The following TBXA2R variants were observed in gnomAD, a reference collection of about 807,000 sequenced individuals.
The protein encoded by TBXA2R is thromboxane A2 receptor, also known as prostanoid TP receptor.
A neutral mutation model predicts 15.6 loss-of-function variants in TBXA2R; 15 were observed. The ratio of observed to expected loss-of-function variants is 0.96; its 90% CI spans 0.64 to 1.48. The LOEUF is 1.48. TBXA2R is among the 40% of genes most tolerant of loss of function. The pLI is 0.00. For synonymous variants in TBXA2R, 280 were observed against 241.2 expected, an observed-to-expected ratio of 1.16 and a Z score of -1.49; for missense variants, 506 against 491.4, an observed-to-expected ratio of 1.03 and a Z score of -0.28.
chr19:3,595,072 T>G lies in TBXA2R; in HGVS notation c.*616A>C. 2 of 664,004 alleles carry G rather than the reference T, an allele frequency of 3.0e-6. No individual in the cohort carries two copies. Among genetic ancestry groups the G allele is most frequent in the Non-Finnish European group, 4.7e-6 (2 of 422,476 alleles). 41.1% of individuals were successfully genotyped at this position (664,004 alleles called of 1,614,324 possible). ...TCCAGGCTGGGCCACAGAGTGAGACTCCGTCTAAAAAAAAAAAAAAAAATG... is the reference window on the plus strand; with the variant it reads ...TCCAGGCTGGGCCACAGAGTGAGACGCCGTCTAAAAAAAAAAAAAAAAATG... On this transcript the variant is annotated 3_prime_UTR_variant, in exon 3 of 3. Transcript: ENST00000375190.
intron 1 of TBXA2R, among the ~76,000 whole-genome samples, chr19:3,601,392 G>A (rs1284888795): frequency 6.6e-6 from 1 of 151,648 alleles, no homozygotes; most frequent in Non-Finnish European, 1.5e-5. Flanking sequence ...GGGTGTAGTG[G>A]TATGCACCTG....
Position 3,600,190 on chromosome 19 carries a change from C to G in TBXA2R, c.445G>C (p.Ala149Pro). 1 of 1,595,544 alleles carries G rather than the reference C, an allele frequency of 6.3e-7. No homozygotes were observed. The highest frequency in any genetic ancestry group is 2.3e-5 in the East Asian group (1 of 44,030). Residue 149 changes from alanine to proline, a missense_variant, in exon 2 of 3, where the codon GCC becomes CCC. Physicochemically the swap from Ala to Pro is conservative, Grantham distance 27 (BLOSUM62 -1). Coordinates refer to ENST00000375190, the MANE Select transcript of TBXA2R (RefSeq NM_001060.6). ...SRPAVASQRRAWATVGLVWAA... is the reference protein window; with the variant it reads ...SRPAVASQRRPWATVGLVWAA... Reference sequence around the variant, plus strand: ...CACACCAGCCCCACGGTGGCCCAGGCGCGGCGCTGCGAGGCGACCGCCGGG... The same window carrying G: ...CACACCAGCCCCACGGTGGCCCAGGGGCGGCGCTGCGAGGCGACCGCCGGG...
In TBXA2R at chr19:3,600,591, G is replaced by T. The variant is rs2032717332; in HGVS notation, c.44C>A (p.Thr15Lys). The part of the protein sequence containing the change: ...GSSLGPCFRP[T>K]NITLEERRLI... ...CCGTCTCTCCTCCAGGGTAATGTTT[G>T]TGGGCCGGAAACAGGGCCCCAGGGA... is the stretch of plus-strand genomic sequence containing the variant. The change falls in exon 2 of 3, where the codon ACA (threonine) becomes AAA (lysine). Residue 15 changes from threonine (T) to lysine (K), a missense_variant. Transcript: ENST00000375190. The T allele has an allele frequency of 6.2e-7, 1 of 1,612,486 alleles. No homozygotes were observed. The highest frequency in any genetic ancestry group is 8.5e-7 in the Non-Finnish European group (1 of 1,179,642).
rs966940795 is a variant in TBXA2R at position 3,595,285 on chromosome 19, A to G, written c.*403T>C. 2 of 1,114,522 alleles carry G rather than the reference A, an allele frequency of 1.8e-6. No individual in the cohort carries two copies. The highest frequency in any genetic ancestry group is 2.4e-6 in the Non-Finnish European group (2 of 849,176). The allele number at this position is 1,114,522 out of a possible 1,614,324, so 69.0% of individuals were successfully genotyped here. A position where few individuals can be genotyped will look rare whatever the true frequency, so the allele number is the denominator to read the frequency against. On this transcript the variant is annotated 3_prime_UTR_variant, in exon 3 of 3. Coordinates refer to ENST00000375190, the MANE Select transcript of TBXA2R (RefSeq NM_001060.6). ...TCCCAGCTACTCAGGAGGCTGAGGC[A>G]GGAGAATCGCTTGAACCCGGGAGGT...
intron 2 of TBXA2R, among the ~76,000 whole-genome samples, chr19:3,597,292 C>G (rs1359489048): frequency 6.6e-6 from 1 of 150,768 alleles, no homozygotes; most frequent in Non-Finnish European, 1.5e-5. Context: ...ATGTTATCTA[C>G]AAATTAGTAT....
In TBXA2R at chr19:3,595,370, C is replaced by A. The variant is rs1336037915; in HGVS notation, c.*318G>T. The A allele has an allele frequency of 7.3e-6, 10 of 1,378,618 alleles. No individual in the cohort carries two copies. In the African/African-American group the frequency reaches 1.2e-4, roughly 16 times the overall value. 85.4% of individuals were successfully genotyped at this position (1,378,618 alleles called of 1,614,324 possible). A position where few individuals can be genotyped will look rare whatever the true frequency, so the allele number is the denominator to read the frequency against. ...CTCCAGCCTGGGGGACAGAGCAAGACTCCGTCTAAAAAAAAAAATAGCAAT... is the reference window on the plus strand; with the variant it reads ...CTCCAGCCTGGGGGACAGAGCAAGAATCCGTCTAAAAAAAAAAATAGCAAT... On this transcript the variant is annotated 3_prime_UTR_variant, in exon 3 of 3. Coordinates refer to ENST00000375190, the MANE Select transcript of TBXA2R (RefSeq NM_001060.6).
In TBXA2R at chr19:3,596,067, C is replaced by T. The variant is rs187966483; in HGVS notation, c.787-134G>A. 1.4e-3 allele frequency: 1,698 copies of T among 1,194,890 alleles called. 18 individuals are homozygous for T. In the African/African-American group the frequency reaches 0.021, roughly 15 times the overall value. 74.0% of individuals were successfully genotyped at this position (1,194,890 alleles called of 1,614,324 possible). The stretch of plus-strand genomic sequence containing the variant: ...TTTTTGAGACAGGGTCTCACTCTGT[C>T]GTCCAGGCTGGAGTGCAGTGGTGCG... On this transcript the variant is annotated intron_variant, in intron 2 of 2. Coordinates refer to ENST00000375190, the MANE Select transcript of TBXA2R (RefSeq NM_001060.6).
At chr19:3,596,078 G>C in intron 2 of TBXA2R, 145 bp from the exon 3 acceptor site, 3 of 1,062,116 alleles carry the variant, frequency 2.8e-6, no homozygotes, top group Non-Finnish European at 4.1e-6. Flanking sequence ...GTCCAGGCTG[G>C]AGTGCAGTGG....
rs199738245 is a variant in TBXA2R, at chr19:3,600,356, G to C, written c.279C>G (p.Phe93Leu). Reference protein sequence around the residue: ...TIVVSQHAALFEWHAVDPGCR... With the variant: ...TIVVSQHAALLEWHAVDPGCR... ...AGCCAGGGTCCACGGCGTGCCACTC[G>C]AAGAGCGCGGCGTGCTGGGACACCA... Residue 93 changes from phenylalanine (F) to leucine (L), a missense_variant, in exon 2 of 3, where the codon TTC (phenylalanine) becomes TTG (leucine). Phe to Leu is a conservative substitution (Grantham distance 22). Coordinates refer to ENST00000375190, the MANE Select transcript of TBXA2R (RefSeq NM_001060.6). 10 of 1,613,220 alleles carry C rather than the reference G, an allele frequency of 6.2e-6. No individual in the cohort carries two copies. The highest frequency in any genetic ancestry group is 1.7e-5 in the Admixed American group (1 of 59,998).
chr19:3,600,517 C>G lies in TBXA2R; in HGVS notation c.118G>C (p.Ala40Pro). The change falls in exon 2 of 3, where the codon GCC (alanine) becomes CCC (proline). Residue 40 changes from alanine (A) to proline (P), a missense_variant. Transcript: ENST00000375190. ...ACGCTCAGGGCCAGCAGGTTGGAGG[C>G]CAGGCCCACCACGCAGAAGGAGGCG... ...FAASFCVVGLASNLLALSVLA... is the reference protein window; with the variant it reads ...FAASFCVVGLPSNLLALSVLA... 2 of 1,612,454 alleles carry G rather than the reference C, an allele frequency of 1.2e-6. No individual in the cohort carries two copies. Among genetic ancestry groups the G allele is most frequent in the Non-Finnish European group, 1.7e-6 (2 of 1,179,370 alleles).
At chr19:3,597,087 GCAC>G (rs1654439406) in intron 2 of TBXA2R, among the ~76,000 whole-genome samples, 1 of 151,170 alleles carries the variant, frequency 6.6e-6, no homozygotes, top group Admixed American at 6.6e-5. Flanking sequence ...TTACAGGCAT[GCAC>G]CACCACATCT....
Position 3,595,676 on chromosome 19 carries a change from T to G in TBXA2R, c.*12A>C. On this transcript the variant is annotated 3_prime_UTR_variant, in exon 3 of 3. Transcript: ENST00000375190. Reference sequence around the variant, plus strand: ...CCGCGGAAAGGCGCGGGAGGGGCGCTCTGTCCACTTCCTACTGCAGCCCGG... The same window carrying G: ...CCGCGGAAAGGCGCGGGAGGGGCGCGCTGTCCACTTCCTACTGCAGCCCGG... The G allele has an allele frequency of 6.4e-7, 1 of 1,571,596 alleles. No homozygotes were observed. Among genetic ancestry groups the G allele is most frequent in the Non-Finnish European group, 8.6e-7 (1 of 1,158,012 alleles).
In TBXA2R at chr19:3,600,594, G is replaced by C. The variant is rs1264586083; in HGVS notation, c.41C>G (p.Pro14Arg). The C allele has an allele frequency of 6.2e-7, 1 of 1,612,576 alleles. No individual in the cohort carries two copies. The highest frequency in any genetic ancestry group is 1.1e-5 in the South Asian group (1 of 91,076). Residue 14 changes from proline (P) to arginine (R), a missense_variant, in exon 2 of 3, where the codon CCC (proline) becomes CGC (arginine). Transcript: ENST00000375190. ...NGSSLGPCFRPTNITLEERRL... is the reference protein window; with the variant it reads ...NGSSLGPCFRRTNITLEERRL... The stretch of plus-strand genomic sequence containing the variant: ...TCTCTCCTCCAGGGTAATGTTTGTG[G>C]GCCGGAAACAGGGCCCCAGGGAACT...
In TBXA2R at chr19:3,602,777, GAAAAA is replaced by G. The variant is rs747708217; in HGVS notation, c.-83-2065_-83-2061del. 1.6e-3 allele frequency among the ~76,000 whole-genome samples: 228 copies of G among 144,868 alleles called. 2 individuals are homozygous for G. Among genetic ancestry groups the G allele is most frequent in the African/African-American group, 5.0e-3 (198 of 39,468 alleles). On this transcript the variant is annotated intron_variant, in intron 1 of 2. Transcript: ENST00000375190. ...CTCCGTCTCAAAAAAAAAAAAAAAA[GAAAAA>G]GAAAAGAAAAGAGGGAGGCCCAGGT...
chr19:3,599,925 C>G lies in TBXA2R; in HGVS notation c.710G>C (p.Arg237Pro). Residue 237 changes from arginine (R) to proline (P), a missense_variant, in exon 2 of 3, where the codon CGG (arginine) becomes CCG (proline). Physicochemically the swap from Arg to Pro is moderately radical, Grantham distance 103. Transcript: ENST00000375190. Reference sequence around the variant, plus strand: ...AGCCATCATCTCCACCTCGGAGTCCCGGGGACGCTGCTGGGCCGCCTCCTG... The same window carrying G: ...AGCCATCATCTCCACCTCGGAGTCCGGGGGACGCTGCTGGGCCGCCTCCTG... The part of the protein sequence containing the change: ...HGQEAAQQRP[R>P]DSEVEMMAQL... 6.4e-7 allele frequency: 1 copy of G among 1,551,076 alleles called. No homozygotes were observed. Among genetic ancestry groups the G allele is most frequent in the Non-Finnish European group, 8.7e-7 (1 of 1,147,936 alleles).
chr19:3,600,729 G>C lies in TBXA2R; in HGVS notation c.-83-12C>G. The C allele has an allele frequency of 1.4e-6, 2 of 1,412,062 alleles. No homozygotes were observed. The highest frequency in any genetic ancestry group is 2.0e-6 in the Non-Finnish European group (2 of 1,023,614). The allele number at this position is 1,412,062 out of a possible 1,614,324, so 87.5% of individuals were successfully genotyped here. On this transcript the variant is annotated splice_polypyrimidine_tract_variant and intron_variant, in intron 1 of 2. Coordinates refer to ENST00000375190, the MANE Select transcript of TBXA2R (RefSeq NM_001060.6). Reference sequence around the variant, plus strand: ...TGGTTCAGGCACACCTGGGAGGCGAGAGAAGATTTGCTTGTGATTAATTCT... The same window carrying C: ...TGGTTCAGGCACACCTGGGAGGCGACAGAAGATTTGCTTGTGATTAATTCT...
intron 2 of TBXA2R, among the ~76,000 whole-genome samples, chr19:3,598,376 A>T (rs1599871227): frequency 9.0e-6 from 1 of 111,292 alleles, no homozygotes. Flanking sequence ...TTTGAGACAG[A>T]GTCTTGCTCT....
chr19:3,599,743 C>T (rs2032679708), intron 2 of TBXA2R, 106 bp downstream of exon 2: 7 of 1,487,644 alleles, frequency 4.7e-6, no homozygotes, highest in Non-Finnish European at 5.5e-6. Flanking sequence ...CTGGGATTAC[C>T]GGCGTGAGCC....
At chr19:3,599,532 G>A (rs1253376930) in intron 2 of TBXA2R, among the ~76,000 whole-genome samples, 2 of 151,560 alleles carry the variant, frequency 1.3e-5, no homozygotes, top group African/African-American at 2.4e-5. Flanking sequence ...GTGTTTCACC[G>A]TGTTGGCCAG....
Sources: gnomAD v4.1 joint callset for allele counts (sites outside exome capture counted in the v4.1 genomes callset) on GRCh38, gnomAD v4.1.1 for gene constraint, MANE v1.5 for transcripts, NCBI Gene and HGNC (gene_info 2026-07-23, HGNC 2026-07-21) for gene names.